The following MDGA2 variants were observed in gnomAD, a reference collection of about 807,000 sequenced individuals.
The protein encoded by MDGA2 is MAM domain containing glycosylphosphatidylinositol anchor 2.
MDGA2 carries 40 observed loss-of-function variants against 117.8 expected under a neutral mutation model. The ratio of observed to expected loss-of-function variants is 0.34; its 90% confidence interval spans 0.26 to 0.44. MDGA2 has a LOEUF of 0.44. MDGA2 is among the 20% of genes least tolerant of loss of function. The pLI, the probability that MDGA2 is intolerant of heterozygous loss-of-function variation, is 1.00. For synonymous variants in MDGA2, 452 were observed against 439.0 expected (o/e 1.03, Z -0.37); for missense variants, 1,123 against 1,250.6 (o/e 0.90, Z 1.54).
intron 10 of MDGA2, among the ~76,000 whole-genome samples, chr14:46,900,065 T>G (rs1026887868): frequency 4.6e-4 from 70 of 152,226 alleles, no homozygotes; most frequent in African/African-American, 1.6e-3. Flanking sequence ...GCAAAAGACA[T>G]GCACAGACAT....
At chr14:47,167,952 T>C (rs940400412) in intron 3 of MDGA2, among the ~76,000 whole-genome samples, 5 of 152,264 alleles carry the variant, frequency 3.3e-5, no homozygotes, top group Admixed American at 2.6e-4. Context: ...CATATTTCCA[T>C]TTGATAAAAT....
chr14:47,508,397 T>TA (rs1894564885), intron 1 of MDGA2, among the ~76,000 whole-genome samples: 1 of 125,494 alleles, frequency 8.0e-6, no homozygotes, highest in African/African-American at 2.9e-5. Flanking sequence ...ATATATATAT[T>TA]TGCTACCAGT....
At chr14:47,237,617 A>T (rs113239264) in intron 2 of MDGA2, among the ~76,000 whole-genome samples, 1 of 152,150 alleles carries the variant, frequency 6.6e-6, no homozygotes, top group African/African-American at 2.4e-5. Flanking sequence ...TTCGTAGTGG[A>T]TGTCGAAGTG....
chr14:47,630,646 G>A (rs1594952912), intron 1 of MDGA2, among the ~76,000 whole-genome samples: 2 of 152,256 alleles, frequency 1.3e-5, no homozygotes, highest in South Asian at 4.2e-4. Context: ...ATGCAGCTAT[G>A]CATCCTGTAA....
intron 2 of MDGA2, among the ~76,000 whole-genome samples, chr14:47,275,370 A>G (rs878896033): frequency 3.3e-5 from 5 of 152,200 alleles, no homozygotes; most frequent in Admixed American, 3.3e-4. Flanking sequence ...TATTCACACT[A>G]TGCTATTGCT....
intron 1 of MDGA2, among the ~76,000 whole-genome samples, chr14:47,615,865 C>T (rs2138915863): frequency 6.6e-6 from 1 of 152,246 alleles, no homozygotes; most frequent in South Asian, 2.1e-4. Context: ...ACTGAGTGGA[C>T]TGACCATGTC....
chr14:47,485,643 G>T (rs1040984415), intron 1 of MDGA2, among the ~76,000 whole-genome samples: 3 of 152,154 alleles, frequency 2.0e-5, no homozygotes, highest in Non-Finnish European at 4.4e-5. Flanking sequence ...GGCCTAAGAG[G>T]AAAAGTGGTT....
intron 8 of MDGA2, among the ~76,000 whole-genome samples, chr14:47,008,217 C>T (rs2138520642): frequency 1.3e-5 from 2 of 151,814 alleles, no homozygotes; most frequent in South Asian, 4.2e-4. Flanking sequence ...TTCAGAGGTC[C>T]TCCGAGTAAA....
chr14:47,543,289 A>G (rs1236688334), intron 1 of MDGA2, among the ~76,000 whole-genome samples: 1 of 152,328 alleles, frequency 6.6e-6, no homozygotes, highest in South Asian at 2.1e-4. Context: ...CTCTAAAAAA[A>G]CAAAAAGAAT....
At chr14:47,148,589 C>A (rs1478610110) in intron 3 of MDGA2, among the ~76,000 whole-genome samples, 1 of 152,158 alleles carries the variant, frequency 6.6e-6, no homozygotes, top group African/African-American at 2.4e-5. Context: ...CAATCTGGAT[C>A]CTGTGTATGA....
At chr14:46,986,363 A>G (rs1166567902) in intron 8 of MDGA2, among the ~76,000 whole-genome samples, 1 of 152,058 alleles carries the variant, frequency 6.6e-6, no homozygotes, top group Non-Finnish European at 1.5e-5. Context: ...ATTCTTTCTG[A>G]GGTAAAGCTA....
At chr14:47,574,679 C>T (rs1208920008) in intron 1 of MDGA2, among the ~76,000 whole-genome samples, 2 of 152,046 alleles carry the variant, frequency 1.3e-5, no homozygotes, top group African/African-American at 4.8e-5. Flanking sequence ...TTATTCAGTG[C>T]TTATTATGAA....
At chr14:47,280,342 A>AG (rs1888444015) in intron 2 of MDGA2, among the ~76,000 whole-genome samples, 1 of 146,594 alleles carries the variant, frequency 6.8e-6, no homozygotes, top group Non-Finnish European at 1.5e-5. Context: ...AAAAAAAAAA[A>AG]AAGAGAGATT....
chr14:46,906,744 T>A (rs980675742), intron 10 of MDGA2, among the ~76,000 whole-genome samples: 1 of 152,072 alleles, frequency 6.6e-6, no homozygotes, highest in African/African-American at 2.4e-5. Flanking sequence ...ATTCCCACAG[T>A]CTAGACTAGT....
rs747335474 is a variant in MDGA2 at position 47,171,962 on chromosome 14, C to A, written c.596-27688G>T. Among the ~76,000 whole-genome samples, 3 of 152,170 alleles carry A rather than the reference C, an allele frequency of 2.0e-5. No homozygotes were observed. The East Asian group carries it at 5.8e-4, about 29-fold the overall frequency. On this transcript the variant is annotated intron_variant, in intron 3 of 16. Coordinates refer to ENST00000399232, the MANE Select transcript of MDGA2 (RefSeq NM_001113498.3). ...CCACCCTAATACTGCGCTTTTCCGA[C>A]GGGCTTAAAAAACGGTGCACCAGGA...
intron 4 of MDGA2, among the ~76,000 whole-genome samples, chr14:47,139,536 T>A (rs946581965): frequency 1.3e-5 from 2 of 151,868 alleles, no homozygotes; most frequent in East Asian, 1.9e-4. Flanking sequence ...ATATACTAGA[T>A]CTTATTTTAA....
At chr14:46,909,074 C>A (rs759749008) in intron 10 of MDGA2, among the ~76,000 whole-genome samples, 3 of 152,126 alleles carry the variant, frequency 2.0e-5, no homozygotes, top group Admixed American at 6.5e-5. Flanking sequence ...TTGTCTGCTT[C>A]CTACTCTACC....
At chr14:47,083,548 G>A (rs1369458967) in intron 6 of MDGA2, among the ~76,000 whole-genome samples, 2 of 151,702 alleles carry the variant, frequency 1.3e-5, no homozygotes, top group East Asian at 1.9e-4. Context: ...ACAGAGAATT[G>A]GAAACAGAAG....
chr14:47,197,866 A>C (rs1885345376), intron 3 of MDGA2, among the ~76,000 whole-genome samples: 1 of 152,034 alleles, frequency 6.6e-6, no homozygotes, highest in African/African-American at 2.4e-5. Context: ...CCGAGATTGC[A>C]CCACTGCACT....
Sources: allele counts gnomAD v4.1 joint callset (sites outside exome capture counted in the v4.1 genomes callset), GRCh38; gene constraint gnomAD v4.1.1; transcripts MANE v1.5; gene names NCBI Gene and HGNC (gene_info 2026-07-23, HGNC 2026-07-21).